Variants in TPRG1 observed in about 807,000 individuals in gnomAD.
The protein encoded by TPRG1 is tumor protein p63 regulated 1.
In TPRG1, 29 loss-of-function variants were observed where a neutral mutation model predicts 29.3. The observed-to-expected ratio is 0.99, with a 90% CI of 0.74 to 1.35. The LOEUF (loss-of-function observed/expected upper bound fraction) is 1.35, where lower values mean the gene tolerates loss of function less well. Ranked by LOEUF, TPRG1 falls within the 40% of genes most tolerant of loss-of-function variation. TPRG1 has a pLI of 0.00. For synonymous variants in TPRG1, 130 were observed against 116.8 expected (o/e 1.11, Z -0.73); for missense variants, 327 against 335.0 (o/e 0.98, Z 0.19).
intron 5 of TPRG1, among the ~76,000 whole-genome samples, chr3:189,319,427 T>C (rs1230292483): frequency 2.0e-5 from 3 of 152,104 alleles, no homozygotes; most frequent in African/African-American, 4.8e-5. Context: ...TATCGCTATC[T>C]ACCCAGTTGC....
At chr3:189,066,068 C>T (rs1025280409) in intron 4 of TPRG1, among the ~76,000 whole-genome samples, 1 of 152,026 alleles carries the variant, frequency 6.6e-6, no homozygotes, top group African/African-American at 2.4e-5. Context: ...AAATTGGAAA[C>T]CTAGAAGTGG....
chr3:189,135,552 T>C (rs1723644298), intron 3 of TPRG1, among the ~76,000 whole-genome samples: 1 of 152,354 alleles, frequency 6.6e-6, no homozygotes, highest in African/African-American at 2.4e-5. Flanking sequence ...TATCCTCTAT[T>C]GTATTCACTT....
At chr3:188,998,991 T>C (rs1222627105) in intron 1 of TPRG1, among the ~76,000 whole-genome samples, 2 of 152,204 alleles carry the variant, frequency 1.3e-5, no homozygotes, top group African/African-American at 2.4e-5. Context: ...CACAAAGAAA[T>C]GATAAAGGTT....
chr3:189,242,526 T>G (rs1175026403), intron 4 of TPRG1, among the ~76,000 whole-genome samples: 1 of 152,188 alleles, frequency 6.6e-6, no homozygotes, highest in Non-Finnish European at 1.5e-5. Flanking sequence ...TTGCTAATAT[T>G]TTATGGATAA....
intron 3 of TPRG1, among the ~76,000 whole-genome samples, chr3:189,006,090 T>A (rs1183291000): frequency 6.6e-6 from 1 of 152,058 alleles, no homozygotes; most frequent in Non-Finnish European, 1.5e-5. Context: ...AATATACATA[T>A]TTTTATAGTT....
chr3:189,015,434 G>GA (rs1362241704), intron 3 of TPRG1, among the ~76,000 whole-genome samples: 2 of 151,948 alleles, frequency 1.3e-5, no homozygotes, highest in East Asian at 1.9e-4. Context: ...TGGTAGAGAA[G>GA]AAAAAAACAT....
At chr3:189,319,632 C>T (rs1724067684) in intron 5 of TPRG1, among the ~76,000 whole-genome samples, 2 of 152,194 alleles carry the variant, frequency 1.3e-5, no homozygotes, top group South Asian at 4.1e-4. Flanking sequence ...ACTCCAAACT[C>T]ATCTTGTCTT....
chr3:189,222,441 A>G (rs1737081031), intron 3 of TPRG1, among the ~76,000 whole-genome samples: 1 of 152,148 alleles, frequency 6.6e-6, no homozygotes, highest in South Asian at 2.1e-4. Context: ...TGCATTTTCT[A>G]CTCAACCCCA....
chr3:189,188,647 C>T (rs1731271940), intron 1 of TPRG1, among the ~76,000 whole-genome samples: 1 of 152,200 alleles, frequency 6.6e-6, no homozygotes, highest in Non-Finnish European at 1.5e-5. Flanking sequence ...TGGAAGTGTA[C>T]TGGGCTTATC....
intron 3 of TPRG1, among the ~76,000 whole-genome samples, chr3:189,217,357 C>T (rs1022836904): frequency 6.6e-6 from 1 of 152,180 alleles, no homozygotes; most frequent in African/African-American, 2.4e-5. Context: ...TTACATTTCT[C>T]TTTTGTTTTG....
intron 4 of TPRG1, among the ~76,000 whole-genome samples, chr3:189,090,865 T>C (rs1327937602): frequency 1.3e-5 from 2 of 152,116 alleles, no homozygotes. Flanking sequence ...TTCCAAAGTC[T>C]TTGCTTTGAT....
chr3:189,087,671 A>G (rs1173664647), intron 4 of TPRG1, among the ~76,000 whole-genome samples: 3 of 152,104 alleles, frequency 2.0e-5, no homozygotes, highest in Non-Finnish European at 4.4e-5. Context: ...TCCATCTTGA[A>G]TTAGTTTTTG....
intron 3 of TPRG1, among the ~76,000 whole-genome samples, chr3:189,218,334 C>G (rs555859266): frequency 5.3e-5 from 8 of 152,096 alleles, no homozygotes; most frequent in African/African-American, 1.7e-4. Flanking sequence ...GCCAGGGTGG[C>G]CTCTATCTCC....
At chr3:189,037,088 G>A (rs891160575) in intron 4 of TPRG1, among the ~76,000 whole-genome samples, 9 of 148,198 alleles carry the variant, frequency 6.1e-5, no homozygotes, top group Non-Finnish European at 1.0e-4. Context: ...CCTCATACAA[G>A]TTGTCCTAGA....
chr3:189,139,318 T>C (rs2108560241), intron 3 of TPRG1, among the ~76,000 whole-genome samples: 1 of 152,326 alleles, frequency 6.6e-6, no homozygotes, highest in South Asian at 2.1e-4. Context: ...GCGGAGATAC[T>C]GACCACACTT....
rs1450916321 is a variant in TPRG1, at chr3:189,324,242, CA to C, written c.*3423del. The C allele has an allele frequency of 1.3e-5, 2 of 152,086 alleles. No homozygotes were observed. Among genetic ancestry groups the C allele is most frequent in the Non-Finnish European group, 2.9e-5 (2 of 68,002 alleles). The allele number at this position is 152,086 out of a possible 1,614,324, so 9.4% of individuals were successfully genotyped here. A position where few individuals can be genotyped will look rare whatever the true frequency, so the allele number is the denominator to read the frequency against. ...AGAAGGCAGAAAAACCATGTCAATT[CA>C]GTGCTTTTATTTCACAGAAAATGAA... On this transcript the variant is annotated 3_prime_UTR_variant, in exon 6 of 6. Coordinates refer to ENST00000345063, the MANE Select transcript of TPRG1 (RefSeq NM_198485.4).
intron 4 of TPRG1, among the ~76,000 whole-genome samples, chr3:189,073,594 T>C (rs73048786): frequency 0.017 from 2,648 of 152,302 alleles, 75 homozygotes; most frequent in African/African-American, 0.06. Flanking sequence ...TTCTTTCTCA[T>C]GCTCGTTGAT....
At chr3:189,147,404 C>T (rs889070242) in intron 3 of TPRG1, among the ~76,000 whole-genome samples, 12 of 152,216 alleles carry the variant, frequency 7.9e-5, no homozygotes, top group African/African-American at 2.9e-4. Context: ...TCCCTGCTCT[C>T]TACCTGTAGC....
At chr3:189,285,035 A>G (rs932826993) in intron 4 of TPRG1, among the ~76,000 whole-genome samples, 2 of 152,086 alleles carry the variant, frequency 1.3e-5, no homozygotes, top group African/African-American at 4.8e-5. Flanking sequence ...TTTGCAATCT[A>G]CTCATCTGAC....
Sources: allele counts gnomAD v4.1 joint callset (sites outside exome capture counted in the v4.1 genomes callset), GRCh38; gene constraint gnomAD v4.1.1; transcripts MANE v1.5; gene names NCBI Gene and HGNC (gene_info 2026-07-23, HGNC 2026-07-21).